The following TRAF2 variants were observed in gnomAD, a reference collection of about 807,000 sequenced individuals.
TRAF2 encodes the protein TNF receptor associated factor 2, also known as TNF receptor-associated factor 2.
A neutral mutation model predicts 55.6 loss-of-function variants in TRAF2; 6 were observed. The observed-to-expected ratio is 0.11, with a 90% CI of 0.06 to 0.21. The LOEUF is 0.21. TRAF2 is among the 10% of genes least tolerant of loss of function. TRAF2 has a pLI of 1.00. For missense variants in TRAF2, 561 were observed against 684.5 expected, an observed-to-expected ratio of 0.82 and a Z score of 2.01; for synonymous variants, 329 against 276.3, an observed-to-expected ratio of 1.19 and a Z score of -1.89.
At chr9:136,916,913 A>G (rs1850255882) in intron 7 of TRAF2, among the ~76,000 whole-genome samples, 1 of 152,108 alleles carries the variant, frequency 6.6e-6, no homozygotes, top group African/African-American at 2.4e-5. Flanking sequence ...TGCACGTCTC[A>G]GATGTACCCG....
At chr9:136,920,913 A>G (rs763121596) in intron 8 of TRAF2, 125 bp from the exon 9 acceptor site, 22 of 1,188,066 alleles carry the variant, frequency 1.9e-5, no homozygotes, top group South Asian at 2.9e-5. Flanking sequence ...GGGAGTGGAC[A>G]TGAGAAACAT....
chr9:136,924,886 G>GCC (rs1554782664), intron 10 of TRAF2, among the ~76,000 whole-genome samples: 83 of 152,066 alleles, frequency 5.5e-4, no homozygotes, highest in African/African-American at 1.7e-3. Flanking sequence ...CTACAGGCAT[G>GCC]CACCACCACG....
At chr9:136,902,053 G>C (rs752850418) in intron 4 of TRAF2, 4 of 152,234 alleles carry the variant, frequency 2.6e-5, no homozygotes, top group Non-Finnish European at 5.9e-5. Context: ...GACACGGAGC[G>C]GTAGCTCCAG....
intron 9 of TRAF2, among the ~76,000 whole-genome samples, chr9:136,922,045 G>A (rs1330797694): frequency 2.6e-5 from 4 of 152,250 alleles, no homozygotes; most frequent in African/African-American, 9.6e-5. Flanking sequence ...CCGAGATGCT[G>A]TAGGCACCTT....
chr9:136,903,504 G>GT (rs1461174271), intron 4 of TRAF2, among the ~76,000 whole-genome samples: 1 of 151,438 alleles, frequency 6.6e-6, no homozygotes, highest in Non-Finnish European at 1.5e-5. Context: ...TGCGTCAAAT[G>GT]TGTAGTTTGA....
chr9:136,906,553 C>T (rs1456836007), intron 4 of TRAF2, among the ~76,000 whole-genome samples: 1 of 152,162 alleles, frequency 6.6e-6, no homozygotes, highest in African/African-American at 2.4e-5. Context: ...CCTCCCACAA[C>T]ACATGGGGAT....
intron 1 of TRAF2, among the ~76,000 whole-genome samples, chr9:136,889,984 C>A: frequency 1.8e-5 from 1 of 56,334 alleles, no homozygotes; most frequent in East Asian, 8.4e-4. Flanking sequence ...CCGGTCACCG[C>A]GTGTGTGAGA....
chr9:136,916,429 AG>A, intron 6 of TRAF2, 111 bp from the exon 7 acceptor site: 1 of 1,046,726 alleles, frequency 9.6e-7, no homozygotes, highest in East Asian at 2.4e-5. Context: ...GAGAGTGAAG[AG>A]GCCAACGGGG....
intron 4 of TRAF2, among the ~76,000 whole-genome samples, chr9:136,901,382 A>G (rs1311158158): frequency 1.3e-5 from 2 of 152,346 alleles, no homozygotes; most frequent in African/African-American, 4.8e-5. Flanking sequence ...ATGAATGGAT[A>G]AACACGGGAA....
At chr9:136,894,177 G>T (rs1314454924) in intron 1 of TRAF2, among the ~76,000 whole-genome samples, 2 of 151,228 alleles carry the variant, frequency 1.3e-5, no homozygotes, top group Admixed American at 6.6e-5. Flanking sequence ...CTCCACAGTA[G>T]CTGGGATTAC....
At chr9:136,901,261 C>T (rs575390951) in intron 4 of TRAF2, among the ~76,000 whole-genome samples, 1 of 152,310 alleles carries the variant, frequency 6.6e-6, no homozygotes, top group Admixed American at 6.5e-5. Context: ...TGCAGTCTTC[C>T]TTCTTGTAAT....
At chr9:136,923,610 CAAAAAAAAAAAAA>C (rs55666712) in intron 9 of TRAF2, among the ~76,000 whole-genome samples, 111 of 67,780 alleles carry the variant, frequency 1.6e-3, no homozygotes, top group African/African-American at 6.4e-3. Flanking sequence ...GACTCCATCT[CAAAAAAAAAAAAA>C]AAAAAAAAAA....
At chr9:136,882,620 C>T, upstream of TRAF2, 1 of 976,634 alleles carries the variant, frequency 1.0e-6, no homozygotes, top group Non-Finnish European at 1.2e-6. Flanking sequence ...CCTCCCCCTG[C>T]CCCTGCTGGA....
intron 1 of TRAF2, among the ~76,000 whole-genome samples, chr9:136,894,476 GC>G (rs1411349066): frequency 2.0e-5 from 3 of 152,136 alleles, no homozygotes; most frequent in African/African-American, 4.8e-5. Flanking sequence ...GGCTTCTTAG[GC>G]CCACCTCAGG....
intron 7 of TRAF2, among the ~76,000 whole-genome samples, chr9:136,918,374 A>G (rs1368832745): frequency 1.3e-5 from 2 of 150,410 alleles, no homozygotes; most frequent in African/African-American, 2.5e-5. Flanking sequence ...GGTTCAAACA[A>G]TTCTTGTGCC....
chr9:136,890,883 C>T (rs1403070504), intron 1 of TRAF2, among the ~76,000 whole-genome samples: 3 of 152,100 alleles, frequency 2.0e-5, no homozygotes, highest in Non-Finnish European at 2.9e-5. Context: ...CACGTGAGGC[C>T]GTGTCTGTGA....
At position 136,926,401 on chromosome 9, in the gene TRAF2, AG is replaced by A. The variant is rs17250694; in HGVS notation, c.*503del. On this transcript the variant is annotated 3_prime_UTR_variant, in exon 11 of 11. Coordinates refer to ENST00000247668, the MANE Select transcript of TRAF2 (RefSeq NM_021138.4). ...TTCTCCCCTCTGGCCCCTGGAGAGA[AG>A]GGAGCATTCCTAGACCCCTGGGTGC... 3.2e-6 allele frequency: 1 copy of A among 314,640 alleles called. No homozygotes were observed. Among genetic ancestry groups the A allele is most frequent in the Non-Finnish European group, 6.3e-6 (1 of 157,868 alleles). 19.5% of individuals were successfully genotyped at this position (314,640 alleles called of 1,614,324 possible). A position where few individuals can be genotyped will look rare whatever the true frequency, so the allele number is the denominator to read the frequency against.
intron 1 of TRAF2, among the ~76,000 whole-genome samples, chr9:136,893,116 C>T (rs746006357): frequency 6.6e-6 from 1 of 152,140 alleles, no homozygotes; most frequent in Non-Finnish European, 1.5e-5. Context: ...TGGTATGCAT[C>T]TGTGAGCTCC....
chr9:136,922,789 C>CT (rs1297397509), intron 9 of TRAF2, among the ~76,000 whole-genome samples: 1 of 64,560 alleles, frequency 1.5e-5, no homozygotes, highest in Non-Finnish European at 2.9e-5. Context: ...GAGGATGGGC[C>CT]TGGGGGCATG....
Sources: allele counts gnomAD v4.1 joint callset (sites outside exome capture counted in the v4.1 genomes callset), GRCh38; gene constraint gnomAD v4.1.1; transcripts MANE v1.5; gene names NCBI Gene and HGNC (gene_info 2026-07-23, HGNC 2026-07-21).